The following FMN1 variants were observed in gnomAD, a reference collection of about 807,000 sequenced individuals.
FMN1 encodes formin 1.
FMN1 carries 110 observed loss-of-function variants against 132.4 expected under a neutral mutation model. That is an observed-to-expected ratio of 0.83 (90% CI 0.71 to 0.97). FMN1 has a LOEUF of 0.97. FMN1 is among the 50% of genes least tolerant of loss of function. The pLI is 0.00. For synonymous variants in FMN1, 722 were observed against 651.7 expected (o/e 1.11, Z -1.64); for missense variants, 1,792 against 1,705.3 (o/e 1.05, Z -0.90).
intron 9 of FMN1, among the ~76,000 whole-genome samples, chr15:32,946,358 A>G (rs748358690): frequency 1.6e-4 from 25 of 152,180 alleles, no homozygotes; most frequent in Non-Finnish European, 2.9e-4. Context: ...GACTGGAACC[A>G]TGAGCATATG....
At chr15:32,888,453 T>C (rs1343716105) in intron 15 of FMN1, among the ~76,000 whole-genome samples, 161 bp from the exon 16 acceptor site, 2 of 152,246 alleles carry the variant, frequency 1.3e-5, no homozygotes, top group African/African-American at 4.8e-5. Flanking sequence ...ACTTGTGACT[T>C]TGAAGTGCTT....
intron 9 of FMN1, among the ~76,000 whole-genome samples, chr15:32,943,626 G>A (rs2061443873): frequency 6.6e-6 from 1 of 152,198 alleles, no homozygotes; most frequent in African/African-American, 2.4e-5. Context: ...TAGAGATGCA[G>A]AAATTGTTTC....
At chr15:32,866,797 C>G (rs1412868508) in intron 16 of FMN1, among the ~76,000 whole-genome samples, 1 of 152,186 alleles carries the variant, frequency 6.6e-6, no homozygotes, top group African/African-American at 2.4e-5. Flanking sequence ...TCGCTGACAA[C>G]CCAGCAGGAT....
intron 5 of FMN1, among the ~76,000 whole-genome samples, chr15:33,070,436 A>G (rs1232495241): frequency 6.7e-6 from 1 of 149,834 alleles, no homozygotes; most frequent in African/African-American, 2.5e-5. Context: ...TCTCAGACAT[A>G]ACTAATTATT....
Position 32,964,168 on chromosome 15 carries a change from G to A in FMN1, c.3077C>T (p.Thr1026Ile). The A allele has an allele frequency of 6.2e-7, 1 of 1,613,006 alleles. No homozygotes were observed. Among genetic ancestry groups the A allele is most frequent in the Non-Finnish European group, 8.5e-7 (1 of 1,179,286 alleles). ...CAGAGGTTTTTTCTTCTGTTGAGTT[G>A]TGTCTTTGGAGAATAAATACTCAAA... ...SEFEYLFSKDTTQQKKKPLSE... is the reference protein window; with the variant it reads ...SEFEYLFSKDITQQKKKPLSE... Residue 1026 changes from threonine to isoleucine, a missense_variant, in exon 9 of 21, where the codon ACA becomes ATA. Around this residue, in one of 3 missense-constraint regions of FMN1, gnomAD observed 1,150 missense variants for 1,043.1 expected, o/e 1.10. Transcript: ENST00000616417.
At chr15:32,878,387 G>A (rs1420905189) in intron 16 of FMN1, among the ~76,000 whole-genome samples, 2 of 152,186 alleles carry the variant, frequency 1.3e-5, no homozygotes, top group African/African-American at 2.4e-5. Flanking sequence ...TATGCGGCAG[G>A]TGGAGACAAA....
At chr15:33,117,207 G>A (rs1440098723) in intron 4 of FMN1, among the ~76,000 whole-genome samples, 1 of 152,138 alleles carries the variant, frequency 6.6e-6, no homozygotes, top group African/African-American at 2.4e-5. Context: ...CTCCAAAAGA[G>A]AGAGAGAGAA....
At chr15:33,080,389 T>A (rs1256905705) in intron 5 of FMN1, among the ~76,000 whole-genome samples, 1 of 152,206 alleles carries the variant, frequency 6.6e-6, no homozygotes, top group Admixed American at 6.5e-5. Flanking sequence ...TCTTTTTTTC[T>A]TTTTCTTTGT....
At chr15:32,805,821 A>C (rs1369167875) in intron 17 of FMN1, among the ~76,000 whole-genome samples, 2 of 152,178 alleles carry the variant, frequency 1.3e-5, no homozygotes, top group Non-Finnish European at 2.9e-5. Flanking sequence ...CCACACCCAC[A>C]GGCCCTTTTG....
At chr15:33,143,392 T>C (rs1964085820) in intron 4 of FMN1, among the ~76,000 whole-genome samples, 1 of 152,200 alleles carries the variant, frequency 6.6e-6, no homozygotes, top group Non-Finnish European at 1.5e-5. Flanking sequence ...CATTAATCCA[T>C]CCATTTATTC....
intron 5 of FMN1, among the ~76,000 whole-genome samples, chr15:33,081,150 G>A (rs2038439326): frequency 6.6e-6 from 1 of 152,132 alleles, no homozygotes; most frequent in Admixed American, 6.5e-5. Context: ...AACTTGAAGT[G>A]GTTCCATTAA....
At chr15:33,008,753 A>G (rs2034551008) in intron 6 of FMN1, among the ~76,000 whole-genome samples, 1 of 152,210 alleles carries the variant, frequency 6.6e-6, no homozygotes, top group Non-Finnish European at 1.5e-5. Flanking sequence ...CTGCTGGCGA[A>G]GCATGCAGCT....
intron 8 of FMN1, among the ~76,000 whole-genome samples, chr15:32,966,735 G>C (rs2031274101): frequency 6.6e-6 from 1 of 152,212 alleles, no homozygotes; most frequent in Non-Finnish European, 1.5e-5. Context: ...CTTCCCAGAA[G>C]AGCAAGACCA....
At chr15:32,785,227 T>A (rs1340854883) in intron 19 of FMN1, among the ~76,000 whole-genome samples, 28 of 111,534 alleles carry the variant, frequency 2.5e-4, no homozygotes, top group Non-Finnish European at 4.5e-4. Context: ...TATTTTTTTT[T>A]TTTTTTTTTT....
rs142209039 is a variant in FMN1, at chr15:33,006,626, T to C, written c.2223+1388A>G. On this transcript the variant is annotated intron_variant, in intron 7 of 20. Coordinates refer to ENST00000616417, the MANE Select transcript of FMN1 (RefSeq NM_001277313.2). The stretch of plus-strand genomic sequence containing the variant: ...AGCGTTATTCACAAAAGCCAAGATA[T>C]GGAATCAACGTTGAGTGTCCATCAA... Among the ~76,000 whole-genome samples, 1,184 of 152,192 alleles carry C rather than the reference T, an allele frequency of 7.8e-3. 14 individuals are homozygous for C. Among genetic ancestry groups the C allele is most frequent in the African/African-American group, 0.027 (1,129 of 41,534 alleles).
At chr15:33,141,046 A>T (rs1963989830) in intron 4 of FMN1, among the ~76,000 whole-genome samples, 2 of 152,116 alleles carry the variant, frequency 1.3e-5, no homozygotes, top group Admixed American at 6.5e-5. Flanking sequence ...TTTCTTTACA[A>T]ATGTTGGATG....
intron 19 of FMN1, among the ~76,000 whole-genome samples, chr15:32,777,471 A>AATATT (rs67598625): frequency 7.3e-6 from 1 of 136,514 alleles, no homozygotes; most frequent in Non-Finnish European, 1.6e-5. Flanking sequence ...TATTACGTAT[A>AATATT]TTTATATATT....
intron 17 of FMN1, among the ~76,000 whole-genome samples, chr15:32,833,046 T>C (rs7494771): frequency 0.024 from 3,654 of 152,162 alleles, 43 homozygotes; most frequent in African/African-American, 0.043. Context: ...AACTCCTCCT[T>C]TCTCCCCTCC....
At chr15:32,960,581 TTTGA>T (rs2030399710) in intron 9 of FMN1, among the ~76,000 whole-genome samples, 1 of 152,202 alleles carries the variant, frequency 6.6e-6, no homozygotes, top group South Asian at 2.1e-4. Flanking sequence ...GAAAATCTGA[TTTGA>T]TTAACAGAAA....
Sources: gnomAD v4.1 joint callset for allele counts (sites outside exome capture counted in the v4.1 genomes callset) on GRCh38, gnomAD v4.1.1 for gene constraint, gnomAD v4.1.1 regional missense constraint, MANE v1.5 for transcripts, NCBI Gene and HGNC (gene_info 2026-07-23, HGNC 2026-07-21) for gene names.